PCDHA2: variants seen among roughly 807,000 people sequenced by gnomAD.
PCDHA2 encodes protocadherin alpha-2.
PCDHA2 carries 58 observed loss-of-function variants against 66.0 expected under a neutral mutation model. That is an observed-to-expected ratio of 0.88 (90% CI 0.71 to 1.09). The LOEUF is 1.09. Among genes scored for constraint, PCDHA2 ranks in the 50% least tolerant of loss-of-function variants. The pLI, the probability that PCDHA2 is intolerant of heterozygous loss-of-function variation, is 0.00. For synonymous variants in PCDHA2, 634 were observed against 554.0 expected (o/e 1.14, Z -2.03); for missense variants, 1,267 against 1,242.3 (o/e 1.02, Z -0.30).
chr5:140,796,002 C>A lies in PCDHA2; in HGVS notation c.1038C>A (p.Asn346Lys). The A allele has an allele frequency of 6.2e-7, 1 of 1,614,142 alleles. No homozygotes were observed. Among genetic ancestry groups the A allele is most frequent in the Non-Finnish European group, 8.5e-7 (1 of 1,179,990 alleles). Residue 346 changes from asparagine to lysine, a missense_variant, in exon 1 of 4, where the codon AAC becomes AAA. Physicochemically the swap from Asn to Lys is moderately conservative, Grantham distance 94. Transcript: ENST00000526136. Reference sequence around the variant, plus strand: ...TAAAACTTGTGGACATCAATGATAACACACCAGAAGTCTCAATAACGTCTC... The same window carrying A: ...TAAAACTTGTGGACATCAATGATAAAACACCAGAAGTCTCAATAACGTCTC... ...ISLKLVDIND[N>K]TPEVSITSLS...
At chr5:140,822,270 A>T in intron 1 of PCDHA2, 1 of 1,614,256 alleles carries the variant, frequency 6.2e-7, no homozygotes, top group Non-Finnish European at 8.5e-7. Context: ...GAGCAAATGC[A>T]CAATTGAGAT....
At chr5:140,887,539 C>T in intron 1 of PCDHA2, among the ~76,000 whole-genome samples, 1 of 152,082 alleles carries the variant, frequency 6.6e-6, no homozygotes, top group East Asian at 1.9e-4. Flanking sequence ...CCTCTCCCCA[C>T]CCCTCATGGT....
At position 140,797,117 on chromosome 5, in the gene PCDHA2, A is replaced by C; in HGVS notation, c.2153A>C (p.Tyr718Ser). 6.2e-7 allele frequency: 1 copy of C among 1,613,990 alleles called. No homozygotes were observed. The highest frequency in any genetic ancestry group is 8.5e-7 in the Non-Finnish European group (1 of 1,179,956). ...CTGTTGGTGCTCACGGTGCTGCTGT[A>C]CACTGCGCTGCGGTGCTCGGTGCCA... Reference protein sequence around the residue: ...SSLLVLTVLLYTALRCSVPPT... With the variant: ...SSLLVLTVLLSTALRCSVPPT... Residue 718 changes from tyrosine to serine, a missense_variant, in exon 1 of 4, where the codon TAC becomes TCC. Tyr to Ser is a moderately radical substitution (Grantham distance 144, BLOSUM62 -2). Coordinates refer to ENST00000526136, the MANE Select transcript of PCDHA2 (RefSeq NM_018905.3).
intron 1 of PCDHA2, chr5:140,834,945 C>T (rs2150229215): frequency 6.4e-7 from 1 of 1,552,558 alleles, no homozygotes; most frequent in East Asian, 2.3e-5. Flanking sequence ...CAGCAACCAG[C>T]AGGTAAAACC....
intron 1 of PCDHA2, among the ~76,000 whole-genome samples, chr5:140,975,784 A>T (rs1216156931): frequency 1.3e-5 from 2 of 151,914 alleles, no homozygotes; most frequent in African/African-American, 4.8e-5. Flanking sequence ...CCATTACAAG[A>T]TAAATTAAAT....
rs932495728 is a variant in PCDHA2, at chr5:140,945,802, C to T, written c.2389-33147C>T. ...AGATGCAGAAAAATGAAACTAGACC[C>T]TTATCTCACACTGTATACAAAAGTC... On this transcript the variant is annotated intron_variant, in intron 1 of 3. Coordinates refer to ENST00000526136, the MANE Select transcript of PCDHA2 (RefSeq NM_018905.3). Among the ~76,000 whole-genome samples the T allele has an allele frequency of 5.9e-5, 9 of 152,202 alleles. No homozygotes were observed. The East Asian group carries it at 1.7e-3, about 29-fold the overall frequency.
intron 3 of PCDHA2, among the ~76,000 whole-genome samples, chr5:141,000,395 C>A (rs664650): frequency 0.072 from 3,868 of 53,704 alleles, 168 homozygotes; most frequent in Non-Finnish European, 0.081. Flanking sequence ...CTCTCTCTCT[C>A]TATATATATA....
At chr5:140,905,990 G>A (rs569951946) in intron 1 of PCDHA2, among the ~76,000 whole-genome samples, 5 of 152,280 alleles carry the variant, frequency 3.3e-5, no homozygotes, top group Admixed American at 1.3e-4. Flanking sequence ...GAAAGATGTA[G>A]GCTGGGAGGC....
chr5:140,870,581 T>C, intron 1 of PCDHA2: 1 of 1,613,826 alleles, frequency 6.2e-7, no homozygotes, highest in Non-Finnish European at 8.5e-7. Context: ...TCCTACTCGC[T>C]GGTGGAGCGG....
intron 1 of PCDHA2, chr5:140,868,995 A>G (rs944875255): frequency 4.0e-6 from 6 of 1,516,046 alleles, no homozygotes; most frequent in Non-Finnish European, 5.3e-6. Context: ...CCACCGTTTA[A>G]GGATCCTTTG....
chr5:140,891,876 G>C (rs781983742), intron 1 of PCDHA2, among the ~76,000 whole-genome samples: 9 of 152,186 alleles, frequency 5.9e-5, no homozygotes, highest in Non-Finnish European at 1.2e-4. Context: ...TTTTGGCTCT[G>C]TCATGTGACG....
intron 1 of PCDHA2, among the ~76,000 whole-genome samples, chr5:140,894,788 T>C (rs1217718306): frequency 2.0e-5 from 3 of 152,160 alleles, no homozygotes; most frequent in Admixed American, 1.3e-4. Flanking sequence ...TTATTTGTCC[T>C]CTCCTTTAAA....
chr5:140,805,678 T>C, intron 1 of PCDHA2: 1 of 806,242 alleles, frequency 1.2e-6, no homozygotes, highest in South Asian at 5.7e-5. Flanking sequence ...CCAGGATGAT[T>C]CAAAGATCAT....
At chr5:141,000,414 TATA>T (rs1563651539) in intron 3 of PCDHA2, among the ~76,000 whole-genome samples, 16 of 99,530 alleles carry the variant, frequency 1.6e-4, no homozygotes, top group African/African-American at 2.5e-4. Flanking sequence ...TATATATATA[TATA>T]TATATTTTTT....
intron 1 of PCDHA2, chr5:140,850,527 T>C: frequency 6.3e-7 from 1 of 1,598,028 alleles, no homozygotes; most frequent in Non-Finnish European, 8.6e-7. Flanking sequence ...GGCGCCAAAG[T>C]CATCGTCGCG....
intron 1 of PCDHA2, chr5:140,863,201 C>A: frequency 1.1e-6 from 1 of 925,678 alleles, no homozygotes; most frequent in Admixed American, 1.8e-5. Context: ...GCGTCGCTGG[C>A]GGAGAGCAGC....
chr5:140,946,886 C>G (rs1304455156), intron 1 of PCDHA2, among the ~76,000 whole-genome samples: 1 of 151,128 alleles, frequency 6.6e-6, no homozygotes, highest in African/African-American at 2.4e-5. Context: ...TACGAAGTTA[C>G]AATTAGATAG....
At chr5:140,826,769 A>G (rs141336818) in intron 1 of PCDHA2, among the ~76,000 whole-genome samples, 1 of 152,326 alleles carries the variant, frequency 6.6e-6, no homozygotes, top group East Asian at 1.9e-4. Context: ...ATTGGAGAGT[A>G]ATTGAAAATA....
chr5:140,951,959 A>C (rs2094664205), intron 1 of PCDHA2, among the ~76,000 whole-genome samples: 1 of 152,202 alleles, frequency 6.6e-6, no homozygotes, highest in Admixed American at 6.5e-5. Context: ...GGCATTGGGT[A>C]AATACTCCTG....
Sources: gnomAD v4.1 joint callset for allele counts (sites outside exome capture counted in the v4.1 genomes callset) on GRCh38, gnomAD v4.1.1 for gene constraint, MANE v1.5 for transcripts, NCBI Gene and HGNC (gene_info 2026-07-23, HGNC 2026-07-21) for gene names.